ADCY2: variants seen among roughly 807,000 people sequenced by gnomAD.
The protein encoded by ADCY2 is adenylate cyclase 2, also known as adenylate cyclase type 2.
ADCY2 carries 31 observed loss-of-function variants against 125.2 expected under a neutral mutation model. That is an observed-to-expected ratio of 0.25 (90% CI 0.19 to 0.33). The LOEUF (loss-of-function observed/expected upper bound fraction) is 0.33. Ranked by LOEUF, ADCY2 falls within the 10% of genes least tolerant of loss-of-function variation. The pLI is 1.00. For synonymous variants in ADCY2, 512 were observed against 548.4 expected (o/e 0.93, Z 0.93); for missense variants, 904 against 1,418.2 (o/e 0.64, Z 5.82).
chr5:7,680,227 T>C (rs1740284483), intron 4 of ADCY2, among the ~76,000 whole-genome samples: 1 of 152,330 alleles, frequency 6.6e-6, no homozygotes, highest in East Asian at 1.9e-4. Context: ...GGGGTCTTGC[T>C]GACCTCTGGT....
chr5:7,696,264 A>G (rs543486029), intron 6 of ADCY2, among the ~76,000 whole-genome samples: 4 of 152,178 alleles, frequency 2.6e-5, no homozygotes, highest in African/African-American at 9.6e-5. Context: ...CTCTATTCCT[A>G]TTGTTAAGCA....
At chr5:7,758,134 A>G (rs1428345524) in intron 16 of ADCY2, among the ~76,000 whole-genome samples, 1 of 152,182 alleles carries the variant, frequency 6.6e-6, no homozygotes, top group Non-Finnish European at 1.5e-5. Context: ...TGAACTCCAC[A>G]GGCTCCATTT....
At chr5:7,458,946 G>A (rs1484373773) in intron 2 of ADCY2, among the ~76,000 whole-genome samples, 1 of 152,154 alleles carries the variant, frequency 6.6e-6, no homozygotes, top group Non-Finnish European at 1.5e-5. Context: ...TTTGGGTGGC[G>A]TATCAAGTGT....
At chr5:7,570,136 A>T (rs1736024983) in intron 3 of ADCY2, among the ~76,000 whole-genome samples, 1 of 152,000 alleles carries the variant, frequency 6.6e-6, no homozygotes, top group Non-Finnish European at 1.5e-5. Flanking sequence ...TGAATGATTA[A>T]ATTTCCAATC....
At chr5:7,769,873 G>A (rs1743505039) in intron 17 of ADCY2, among the ~76,000 whole-genome samples, 1 of 152,168 alleles carries the variant, frequency 6.6e-6, no homozygotes, top group African/African-American at 2.4e-5. Flanking sequence ...GTCAAAACTG[G>A]TAAACATTAC....
In ADCY2 at chr5:7,802,086, G is replaced by C; in HGVS notation, c.2629-132G>C. 1 of 1,005,990 alleles carries C rather than the reference G, an allele frequency of 9.9e-7. No homozygotes were observed. Among genetic ancestry groups the C allele is most frequent in the South Asian group, 1.6e-5 (1 of 60,878 alleles). The allele number at this position is 1,005,990 out of a possible 1,614,324, so 62.3% of individuals were successfully genotyped here. On this transcript the variant is annotated intron_variant, in intron 20 of 24. Transcript: ENST00000338316. This position sits in a 1 kb window ranked among gnomAD's most constrained non-coding sequence, Gnocchi z 4.6. ...AGCATCTGGATTGGGCCGCGGCTGG[G>C]GTGGGGCAAGTGGAGTAGGCATTTG...
chr5:7,531,002 C>G (rs1033360945), intron 3 of ADCY2, among the ~76,000 whole-genome samples: 6 of 152,106 alleles, frequency 3.9e-5, no homozygotes, highest in Non-Finnish European at 8.8e-5. Flanking sequence ...GAACTTCATC[C>G]TAGCAAGATA....
In ADCY2 at chr5:7,507,461, A is replaced by AAAAAAAAAAAAAAAT. The variant is rs374187517; in HGVS notation, c.409-13277_409-13276insAAAAAAAAAAAAAAT. 1.1e-3 allele frequency among the ~76,000 whole-genome samples: 120 copies of AAAAAAAAAAAAAAAT among 114,054 alleles called. 12 individuals carry two copies. Among genetic ancestry groups the AAAAAAAAAAAAAAAT allele is most frequent in the African/African-American group, 2.3e-3 (68 of 30,082 alleles). 74.8% of individuals were successfully genotyped at this position (114,054 alleles called of 152,430 possible). Reference sequence around the variant, plus strand: ...GTCTCAAAAAAAAAAAAAAAAAAAAAGGTAACAAAGCCACTTTTGTAAAAA... The same window carrying AAAAAAAAAAAAAAAT: ...GTCTCAAAAAAAAAAAAAAAAAAAAAAAAAAAAAAAAAAATGGTAACAAAGCCACTTTTGTAAAAA... On this transcript the variant is annotated intron_variant, in intron 2 of 24. Transcript: ENST00000338316.
intron 2 of ADCY2, among the ~76,000 whole-genome samples, chr5:7,425,326 C>T (rs1740348792): frequency 6.6e-6 from 1 of 152,228 alleles, no homozygotes; most frequent in Non-Finnish European, 1.5e-5. Context: ...CTTAGGGCTT[C>T]TGCATCATCT....
In ADCY2 at chr5:7,515,209, G is replaced by A. The variant is rs116256899; in HGVS notation, c.409-5529G>A. Among the ~76,000 whole-genome samples, 826 of 152,290 alleles carry A rather than the reference G, an allele frequency of 5.4e-3. 9 individuals are homozygous for A. Among genetic ancestry groups the A allele is most frequent in the African/African-American group, 0.019 (777 of 41,562 alleles). On this transcript the variant is annotated intron_variant, in intron 2 of 24. Coordinates refer to ENST00000338316, the MANE Select transcript of ADCY2 (RefSeq NM_020546.3). ...CTCTTACTGCACACTCACCCAGGGG[G>A]TTATGCCCACCCTCCAGAAAGAAGA...
chr5:7,496,435 C>A (rs754287226), intron 2 of ADCY2, among the ~76,000 whole-genome samples: 7 of 152,000 alleles, frequency 4.6e-5, no homozygotes, highest in Non-Finnish European at 1.0e-4. Context: ...TGAAAGTATA[C>A]AGAAAGGATA....
chr5:7,721,750 T>G (rs984235751), intron 12 of ADCY2, among the ~76,000 whole-genome samples: 2 of 152,214 alleles, frequency 1.3e-5, no homozygotes, highest in Non-Finnish European at 2.9e-5. Context: ...GTTCCATTGG[T>G]CTATATCTCT....
At chr5:7,426,676 C>T (rs900682689) in intron 2 of ADCY2, among the ~76,000 whole-genome samples, 3 of 152,130 alleles carry the variant, frequency 2.0e-5, no homozygotes, top group South Asian at 2.1e-4. Flanking sequence ...TAATCATTTC[C>T]GGATCTTAGC....
In ADCY2 at chr5:7,608,983, C is replaced by A. The variant is rs146617010; in HGVS notation, c.571-17184C>A. Reference sequence around the variant, plus strand: ...TTTCCATAATTGAAATCTTCACCACCCACTTCCCCTTTTTTATGCACATAT... The same window carrying A: ...TTTCCATAATTGAAATCTTCACCACACACTTCCCCTTTTTTATGCACATAT... On this transcript the variant is annotated intron_variant, in intron 3 of 24. Coordinates refer to ENST00000338316, the MANE Select transcript of ADCY2 (RefSeq NM_020546.3). 6.2e-3 allele frequency among the ~76,000 whole-genome samples: 950 copies of A among 152,286 alleles called. 10 individuals are homozygous for A. Among genetic ancestry groups the A allele is most frequent in the Non-Finnish European group, 9.6e-3 (654 of 68,028 alleles).
intron 3 of ADCY2, among the ~76,000 whole-genome samples, chr5:7,619,229 A>G (rs1336156050): frequency 6.6e-6 from 1 of 152,192 alleles, no homozygotes; most frequent in East Asian, 1.9e-4. Context: ...GGGTCACGAG[A>G]CAGTGTTTCG....
intron 3 of ADCY2, among the ~76,000 whole-genome samples, chr5:7,611,562 G>A (rs1368098066): frequency 6.6e-6 from 1 of 152,074 alleles, no homozygotes; most frequent in East Asian, 1.9e-4. Flanking sequence ...CAAAATTCTA[G>A]TAGGCTTGGA....
At chr5:7,775,282 T>A (rs1468696290) in intron 18 of ADCY2, among the ~76,000 whole-genome samples, 1 of 152,274 alleles carries the variant, frequency 6.6e-6, no homozygotes, top group South Asian at 2.1e-4. Flanking sequence ...AGTTTCATCA[T>A]GTTGGCCAGG....
At chr5:7,790,171 C>T (rs326126) in intron 20 of ADCY2, among the ~76,000 whole-genome samples, 48,971 of 151,852 alleles carry the variant, frequency 0.32, 8,989 homozygotes, top group East Asian at 0.63. Flanking sequence ...CTTACCAGCA[C>T]GCAATGGAGG....
At chr5:7,601,559 T>G (rs1166462701) in intron 3 of ADCY2, among the ~76,000 whole-genome samples, 1 of 152,226 alleles carries the variant, frequency 6.6e-6, no homozygotes, top group Non-Finnish European at 1.5e-5. Flanking sequence ...CAAGCTCAGT[T>G]TGCCTTAAAG....
Sources: gnomAD v4.1 joint callset for allele counts (sites outside exome capture counted in the v4.1 genomes callset) on GRCh38, gnomAD v4.1.1 for gene constraint, Gnocchi (gnomAD v3.1) non-coding constraint, MANE v1.5 for transcripts, NCBI Gene and HGNC (gene_info 2026-07-23, HGNC 2026-07-21) for gene names.